RABGAP1L: variants seen among roughly 807,000 people sequenced by gnomAD.
RABGAP1L encodes the protein RAB GTPase activating protein 1 like, also known as rab GTPase-activating protein 1-like.
In RABGAP1L, 63 loss-of-function variants were observed where a neutral mutation model predicts 137.7. The ratio of observed to expected loss-of-function variants is 0.46; its 90% CI spans 0.37 to 0.56. The LOEUF (loss-of-function observed/expected upper bound fraction) is 0.56, where lower values mean the gene tolerates loss of function less well. Among genes scored for constraint, RABGAP1L ranks in the 20% least tolerant of loss-of-function variants. The pLI is 0.00. For synonymous variants in RABGAP1L, 431 were observed against 433.7 expected, an observed-to-expected ratio of 0.99 and a Z score of 0.08; for missense variants, 1,095 against 1,244.0, an observed-to-expected ratio of 0.88 and a Z score of 1.80.
intron 19 of RABGAP1L, among the ~76,000 whole-genome samples, chr1:174,878,164 C>G (rs777738070): frequency 3.0e-4 from 46 of 152,274 alleles, no homozygotes; most frequent in Non-Finnish European, 5.9e-4. Context: ...TTTATTGTTT[C>G]TTCTCTTAGA....
intron 14 of RABGAP1L, among the ~76,000 whole-genome samples, chr1:174,659,196 T>C (rs116652801): frequency 2.0e-5 from 3 of 151,298 alleles, no homozygotes. Context: ...TTTCTATTTT[T>C]ACCTGTGTGT....
chr1:174,835,247 T>C (rs973839754), intron 19 of RABGAP1L, among the ~76,000 whole-genome samples: 1 of 152,038 alleles, frequency 6.6e-6, no homozygotes. Flanking sequence ...TGATCAAGAG[T>C]TCAGTTTTAG....
chr1:174,799,447 CGTT>C (rs1174895466), intron 18 of RABGAP1L, among the ~76,000 whole-genome samples: 2 of 152,202 alleles, frequency 1.3e-5, no homozygotes, highest in Admixed American at 6.5e-5. Flanking sequence ...GATCTATTCT[CGTT>C]GTTAGAAAGC....
At chr1:174,458,573 G>T (rs1656304944) in intron 13 of RABGAP1L, among the ~76,000 whole-genome samples, 1 of 151,952 alleles carries the variant, frequency 6.6e-6, no homozygotes, top group Non-Finnish European at 1.5e-5. Flanking sequence ...CTATATACCT[G>T]TCTGTAAATG....
intron 5 of RABGAP1L, among the ~76,000 whole-genome samples, chr1:174,250,154 ACTT>A (rs1672604557): frequency 6.6e-6 from 1 of 152,198 alleles, no homozygotes; most frequent in Admixed American, 6.5e-5. Flanking sequence ...CTGTTAATTT[ACTT>A]CTTAAGCGAT....
intron 19 of RABGAP1L, among the ~76,000 whole-genome samples, chr1:174,850,557 G>A (rs1468138205): frequency 6.6e-6 from 1 of 152,162 alleles, no homozygotes; most frequent in Admixed American, 6.5e-5. Context: ...TGAACAAGTT[G>A]ACAACACTGT....
intron 18 of RABGAP1L, among the ~76,000 whole-genome samples, chr1:174,802,561 C>G (rs764322245): frequency 6.6e-6 from 1 of 152,136 alleles, no homozygotes; most frequent in Non-Finnish European, 1.5e-5. Context: ...GAGCTGAGAT[C>G]GTGCCATTGC....
intron 17 of RABGAP1L, among the ~76,000 whole-genome samples, chr1:174,716,433 C>T (rs182126122): frequency 6.6e-6 from 1 of 152,304 alleles, no homozygotes; most frequent in Admixed American, 6.5e-5. Context: ...AGGTATGCGC[C>T]ACTGTACCCA....
chr1:174,932,195 T>C (rs1323596967), intron 19 of RABGAP1L, among the ~76,000 whole-genome samples: 1 of 151,550 alleles, frequency 6.6e-6, no homozygotes, highest in East Asian at 1.9e-4. Context: ...CAGGAAGTGA[T>C]CCTTTTCTCT....
chr1:174,768,135 TC>T (rs1330170628), intron 18 of RABGAP1L, among the ~76,000 whole-genome samples: 1 of 152,160 alleles, frequency 6.6e-6, no homozygotes, highest in African/African-American at 2.4e-5. Context: ...TTTTACTTCT[TC>T]CTTTCTGATT....
rs368286952 is a variant in RABGAP1L, at chr1:174,312,281, A to G, written c.1465+7154A>G. ...ATTGCCTGCCTTTTGGATGTAAGCT[A>G]TTTTAACTGGGGTGAGATGATATCT... On this transcript the variant is annotated intron_variant, in intron 11 of 25. Coordinates refer to ENST00000681986, the MANE Select transcript of RABGAP1L (RefSeq NM_001366446.1). Among the ~76,000 whole-genome samples the G allele has an allele frequency of 1.1e-4, 16 of 152,282 alleles. 1 individual carries two copies. Among genetic ancestry groups the G allele is most frequent in the African/African-American group, 3.1e-4 (13 of 41,568 alleles).
At chr1:174,944,978 G>A (rs1666503850) in intron 19 of RABGAP1L, among the ~76,000 whole-genome samples, 1 of 152,166 alleles carries the variant, frequency 6.6e-6, no homozygotes, top group African/African-American at 2.4e-5. Context: ...TAAAAGTAAT[G>A]CTTCAGGTTT....
intron 13 of RABGAP1L, among the ~76,000 whole-genome samples, chr1:174,576,060 CAG>C (rs1270086184): frequency 1.3e-5 from 2 of 152,132 alleles, no homozygotes; most frequent in Non-Finnish European, 2.9e-5. Context: ...TAATTTCTAA[CAG>C]AGCCTTAAAA....
chr1:174,306,192 C>G lies in RABGAP1L; in HGVS notation c.1465+1065C>G, dbSNP rs906292559. ...TTGGACATTTGGGTTGGTTCCAAGT[C>G]TTTGCTATTGTGAGTAGTGCTGCAA... On this transcript the variant is annotated intron_variant, in intron 11 of 25. Coordinates refer to ENST00000681986, the MANE Select transcript of RABGAP1L (RefSeq NM_001366446.1). 3.3e-5 allele frequency among the ~76,000 whole-genome samples: 5 copies of G among 152,174 alleles called. No homozygotes were observed. In the South Asian group the frequency reaches 1.0e-3, roughly 32 times the overall value.
At position 174,720,298 on chromosome 1, in the gene RABGAP1L, C is replaced by G. The variant is rs201021627; in HGVS notation, c.2169+18042C>G. Among the ~76,000 whole-genome samples, 37 of 127,632 alleles carry G rather than the reference C, an allele frequency of 2.9e-4. No individual in the cohort carries two copies. In the South Asian group the frequency reaches 9.1e-3, roughly 31 times the overall value. 83.7% of individuals were successfully genotyped at this position (127,632 alleles called of 152,430 possible). ...ATAGATAGATAGATAGATAGACAGA[C>G]AGATAGTTGGTTTTTTTTTTTTTGA... On this transcript the variant is annotated intron_variant, in intron 17 of 25. Transcript: ENST00000681986.
chr1:174,491,837 C>A (rs1251855002), intron 13 of RABGAP1L, among the ~76,000 whole-genome samples: 1 of 152,116 alleles, frequency 6.6e-6, no homozygotes, highest in Non-Finnish European at 1.5e-5. Flanking sequence ...TAAGTACAGC[C>A]TGGTTCTGCT....
intron 9 of RABGAP1L, among the ~76,000 whole-genome samples, chr1:174,278,244 A>G (rs1227708859): frequency 6.6e-6 from 1 of 152,034 alleles, no homozygotes; most frequent in Non-Finnish European, 1.5e-5. Context: ...CTGTAGTAAA[A>G]ATATTTTAAA....
At chr1:174,614,684 G>T (rs1229980763) in intron 13 of RABGAP1L, among the ~76,000 whole-genome samples, 7 of 152,256 alleles carry the variant, frequency 4.6e-5, no homozygotes, top group Middle Eastern at 3.4e-3. Flanking sequence ...TTCCAACTTG[G>T]TTCCATTCTC....
intron 11 of RABGAP1L, among the ~76,000 whole-genome samples, chr1:174,315,233 A>T (rs1679257201): frequency 6.6e-6 from 1 of 152,144 alleles, no homozygotes; most frequent in Admixed American, 6.6e-5. Flanking sequence ...TTATCATTAT[A>T]TGGTGACTTT....
Sources: gnomAD v4.1 joint callset for allele counts (sites outside exome capture counted in the v4.1 genomes callset) on GRCh38, gnomAD v4.1.1 for gene constraint, MANE v1.5 for transcripts, NCBI Gene and HGNC (gene_info 2026-07-23, HGNC 2026-07-21) for gene names.